Variants in SLC35F1 observed in about 807,000 individuals in gnomAD.
SLC35F1 encodes the protein chromosome 6 open reading frame 169.
SLC35F1 carries 14 observed loss-of-function variants against 48.7 expected under a neutral mutation model. The observed-to-expected ratio is 0.29, with a 90% CI of 0.19 to 0.45. The LOEUF (loss-of-function observed/expected upper bound fraction) is 0.45. Ranked by LOEUF, SLC35F1 falls within the 20% of genes least tolerant of loss-of-function variation. The pLI is 1.00. For synonymous variants in SLC35F1, 190 were observed against 202.2 expected, an observed-to-expected ratio of 0.94 and a Z score of 0.51; for missense variants, 404 against 500.0, an observed-to-expected ratio of 0.81 and a Z score of 1.83.
At chr6:118,095,938 CAACT>C (rs916658720) in intron 1 of SLC35F1, among the ~76,000 whole-genome samples, 1 of 152,098 alleles carries the variant, frequency 6.6e-6, no homozygotes, top group African/African-American at 2.4e-5. Flanking sequence ...TCATTATTAC[CAACT>C]GAGTGCCAAG....
chr6:118,268,081 C>T lies in SLC35F1; in HGVS notation c.637+927C>T, dbSNP rs73514262. On this transcript the variant is annotated intron_variant, in intron 4 of 7. Coordinates refer to ENST00000360388, the MANE Select transcript of SLC35F1 (RefSeq NM_001029858.4). Reference sequence around the variant, plus strand: ...TTTATGAGACAAGGTCACGTTAAGTCTCTGAAACAATGTCATGTATGTTGT... The same window carrying T: ...TTTATGAGACAAGGTCACGTTAAGTTTCTGAAACAATGTCATGTATGTTGT... Among the ~76,000 whole-genome samples, 1,512 of 152,246 alleles carry T rather than the reference C, an allele frequency of 9.9e-3. 27 individuals are homozygous for T. The highest frequency in any genetic ancestry group is 0.035 in the African/African-American group (1,439 of 41,516).
chr6:118,009,487 A>G (rs527297847), intron 1 of SLC35F1, among the ~76,000 whole-genome samples: 1 of 152,230 alleles, frequency 6.6e-6, no homozygotes, highest in Admixed American at 6.5e-5. Flanking sequence ...GTTTTGAGAG[A>G]ACAAATAAGT....
chr6:117,969,667 AT>A (rs1201206317), intron 1 of SLC35F1, among the ~76,000 whole-genome samples: 2 of 152,138 alleles, frequency 1.3e-5, no homozygotes, highest in Non-Finnish European at 2.9e-5. Flanking sequence ...GTGAGCTATG[AT>A]CATGCCTCTG....
chr6:118,073,107 C>T (rs1053493513), intron 1 of SLC35F1, among the ~76,000 whole-genome samples: 1 of 152,118 alleles, frequency 6.6e-6, no homozygotes, highest in African/African-American at 2.4e-5. Context: ...AATTCCTTTC[C>T]TAGCATTTAA....
intron 2 of SLC35F1, among the ~76,000 whole-genome samples, chr6:118,193,437 T>A (rs186445628): frequency 6.6e-6 from 1 of 152,354 alleles, no homozygotes; most frequent in Non-Finnish European, 1.5e-5. Context: ...TTTATAAGAT[T>A]GATTTTTCAC....
chr6:118,221,199 G>A (rs1275154555), intron 2 of SLC35F1, among the ~76,000 whole-genome samples: 1 of 152,138 alleles, frequency 6.6e-6, no homozygotes, highest in African/African-American at 2.4e-5. Flanking sequence ...ACTGGGTACA[G>A]ATACTGCGCT....
intron 1 of SLC35F1, among the ~76,000 whole-genome samples, chr6:117,968,238 A>G (rs1035078286): frequency 4.6e-5 from 7 of 152,204 alleles, no homozygotes; most frequent in African/African-American, 1.2e-4. Flanking sequence ...TGTAAAAATA[A>G]TAAACCTTGC....
intron 2 of SLC35F1, among the ~76,000 whole-genome samples, chr6:118,209,191 T>G (rs1774973090): frequency 6.6e-6 from 1 of 152,214 alleles, no homozygotes; most frequent in South Asian, 2.1e-4. Context: ...TCCTCAAACC[T>G]AAGCCTAAAA....
At chr6:118,277,199 A>G (rs1349301384) in intron 5 of SLC35F1, among the ~76,000 whole-genome samples, 5 of 152,232 alleles carry the variant, frequency 3.3e-5, no homozygotes, top group Non-Finnish European at 7.3e-5. Context: ...CTTTTCAGAA[A>G]GTATCTGTCA....
chr6:117,907,908 C>T lies in SLC35F1; in HGVS notation c.173+9C>T, dbSNP rs900197915. ...CGCAAAGTGCTGAACAGGTGAGCGGCGGCGCCGGGCGAGGGCGCGGGGGGC... is the reference window on the plus strand; with the variant it reads ...CGCAAAGTGCTGAACAGGTGAGCGGTGGCGCCGGGCGAGGGCGCGGGGGGC... On this transcript the variant is annotated intron_variant, in intron 1 of 7. Transcript: ENST00000360388. The T allele has an allele frequency of 1.7e-5, 22 of 1,322,744 alleles. No individual in the cohort carries two copies. Among genetic ancestry groups the T allele is most frequent in the Non-Finnish European group, 1.9e-5 (20 of 1,041,850 alleles). 81.9% of individuals were successfully genotyped at this position (1,322,744 alleles called of 1,614,324 possible).
chr6:118,042,569 G>A (rs972345597), intron 1 of SLC35F1, among the ~76,000 whole-genome samples: 1 of 152,160 alleles, frequency 6.6e-6, no homozygotes, highest in African/African-American at 2.4e-5. Context: ...GCAGATGATT[G>A]TACAGGGCCT....
Position 118,267,004 on chromosome 6 carries a change from T to G in SLC35F1, c.487T>G (p.Cys163Gly). Residue 163 changes from cysteine (C) to glycine (G), a missense_variant, in exon 4 of 8, where the codon TGT becomes GGT. By Grantham distance (159) the Cys-to-Gly change is radical. Coordinates refer to ENST00000360388, the MANE Select transcript of SLC35F1 (RefSeq NM_001029858.4). Reference sequence around the variant, plus strand: ...TCATCCCTCCCAATAGCTCCTGGACTGTTTTGTGATCCCAGTCGTGATTTT... The same window carrying G: ...TCATCCCTCCCAATAGCTCCTGGACGGTTTTGTGATCCCAGTCGTGATTTT... ...TTLTSIQLLD[C>G]FVIPVVILLS... 1 of 1,613,974 alleles carries G rather than the reference T, an allele frequency of 6.2e-7. No homozygotes were observed. The highest frequency in any genetic ancestry group is 8.5e-7 in the Non-Finnish European group (1 of 1,179,882).
At chr6:117,934,137 G>A (rs573590760) in intron 1 of SLC35F1, among the ~76,000 whole-genome samples, 1 of 152,180 alleles carries the variant, frequency 6.6e-6, no homozygotes, top group African/African-American at 2.4e-5. Context: ...AGCAGTTGCT[G>A]TTGGGCATCT....
At chr6:117,942,353 A>G (rs1250412196) in intron 1 of SLC35F1, among the ~76,000 whole-genome samples, 1 of 152,210 alleles carries the variant, frequency 6.6e-6, no homozygotes, top group African/African-American at 2.4e-5. Flanking sequence ...ATATGTAGTC[A>G]AGAGATCAAC....
chr6:118,125,353 G>T (rs1773608732), intron 1 of SLC35F1, among the ~76,000 whole-genome samples: 1 of 130,300 alleles, frequency 7.7e-6, no homozygotes, highest in Non-Finnish European at 1.6e-5. Context: ...TGAACGCTTG[G>T]TTTTTATTCA....
At chr6:118,003,368 C>A (rs1402443618) in intron 1 of SLC35F1, among the ~76,000 whole-genome samples, 3 of 152,202 alleles carry the variant, frequency 2.0e-5, no homozygotes, top group African/African-American at 7.2e-5. Context: ...AGGATAACAT[C>A]ATGGAATGCA....
At chr6:118,290,155 A>G (rs187761400) in intron 7 of SLC35F1, among the ~76,000 whole-genome samples, 3 of 152,198 alleles carry the variant, frequency 2.0e-5, no homozygotes, top group Admixed American at 2.0e-4. Flanking sequence ...TGGCTATTAG[A>G]AATAATCTGG....
chr6:118,292,927 A>G (rs1655731894), intron 7 of SLC35F1, among the ~76,000 whole-genome samples: 2 of 152,144 alleles, frequency 1.3e-5, no homozygotes, highest in Non-Finnish European at 2.9e-5. Flanking sequence ...TCTATTCTTT[A>G]TTACCTGACA....
chr6:118,070,052 C>G (rs1212050025), intron 1 of SLC35F1, among the ~76,000 whole-genome samples: 1 of 141,674 alleles, frequency 7.1e-6, no homozygotes, highest in African/African-American at 2.6e-5. Context: ...AGGAGAATGG[C>G]GTGAACCCGG....
Sources: allele counts gnomAD v4.1 joint callset (sites outside exome capture counted in the v4.1 genomes callset), GRCh38; gene constraint gnomAD v4.1.1; transcripts MANE v1.5; gene names NCBI Gene and HGNC (gene_info 2026-07-23, HGNC 2026-07-21).